The following RAPGEF4 variants were observed in gnomAD, a reference collection of about 807,000 sequenced individuals.
RAPGEF4 encodes Rap guanine nucleotide exchange factor 4, also known as RAP guanine-nucleotide-exchange factor (GEF) 4.
Under a neutral mutation model 147.9 loss-of-function variants are expected in RAPGEF4, and 66 were observed. The observed-to-expected ratio is 0.45, with a 90% CI of 0.37 to 0.55. The LOEUF (loss-of-function observed/expected upper bound fraction) is 0.55. RAPGEF4 is among the 20% of genes least tolerant of loss of function. The probability of loss-of-function intolerance (pLI) is 0.00; values close to 1 mark genes in which losing one functional copy is unlikely to be tolerated. For synonymous variants in RAPGEF4, 419 were observed against 442.7 expected, an observed-to-expected ratio of 0.95 and a Z score of 0.67; for missense variants, 1,071 against 1,257.3, an observed-to-expected ratio of 0.85 and a Z score of 2.24.
chr2:172,796,115 C>G (rs1279440999), intron 2 of RAPGEF4, among the ~76,000 whole-genome samples: 2 of 152,040 alleles, frequency 1.3e-5, no homozygotes, highest in Non-Finnish European at 2.9e-5. Flanking sequence ...CATGATTGCC[C>G]TAGTGGAGCT....
At chr2:172,766,424 C>T (rs993242298) in intron 1 of RAPGEF4, among the ~76,000 whole-genome samples, 6 of 151,984 alleles carry the variant, frequency 3.9e-5, no homozygotes, top group East Asian at 1.9e-4. Flanking sequence ...TGCTGGCACG[C>T]GCCCATAGTC....
intron 1 of RAPGEF4, among the ~76,000 whole-genome samples, chr2:172,772,217 A>G (rs1683691489): frequency 6.6e-6 from 1 of 152,206 alleles, no homozygotes; most frequent in African/African-American, 2.4e-5. Context: ...CCAGCCTGGC[A>G]ACAAAGTAAG....
chr2:172,736,286 G>A (rs1403479303), intron 1 of RAPGEF4: 4 of 318,826 alleles, frequency 1.3e-5, no homozygotes, highest in African/African-American at 6.6e-5. Flanking sequence ...AGCGCAGTAA[G>A]GGGAGAGAGC....
intron 6 of RAPGEF4, among the ~76,000 whole-genome samples, chr2:172,952,880 G>C (rs923360165): frequency 3.9e-5 from 6 of 152,174 alleles, no homozygotes. Context: ...TTGTAAGTTA[G>C]GGTTTGACAG....
At chr2:172,884,933 A>G (rs1422062764) in intron 4 of RAPGEF4, among the ~76,000 whole-genome samples, 1 of 152,248 alleles carries the variant, frequency 6.6e-6, no homozygotes, top group Admixed American at 6.5e-5. Flanking sequence ...ACTTGTAGCA[A>G]ACGCTATTGT....
Position 172,984,636 on chromosome 2 carries a change from C to T in RAPGEF4, c.1090-797C>T, listed in dbSNP as rs79812649. Among the ~76,000 whole-genome samples, 454 of 152,302 alleles carry T rather than the reference C, an allele frequency of 3.0e-3. 7 individuals carry two copies. Among genetic ancestry groups the T allele is most frequent in the East Asian group, 0.026 (134 of 5,188 alleles). On this transcript the variant is annotated intron_variant, in intron 11 of 30. Coordinates refer to ENST00000397081, the MANE Select transcript of RAPGEF4 (RefSeq NM_007023.4). ...CTCTCCACAGGGCATAGATGTAGTG[C>T]CTGGGAGCCTCACCTGGGAAGCCCT...
chr2:173,025,776 G>A (rs1696604253), intron 23 of RAPGEF4, among the ~76,000 whole-genome samples: 1 of 152,190 alleles, frequency 6.6e-6, no homozygotes, highest in African/African-American at 2.4e-5. Context: ...TAATGTGTGT[G>A]TTGCCTATTT....
chr2:172,996,689 C>G, intron 16 of RAPGEF4, 135 bp downstream of exon 16: 1 of 615,156 alleles, frequency 1.6e-6, no homozygotes, highest in South Asian at 2.0e-5. Flanking sequence ...TGAAAAGCAT[C>G]TCTGTGTGAC....
At position 172,767,780 on chromosome 2, in the gene RAPGEF4, T is replaced by G. The variant is rs28706049; in HGVS notation, c.66-27245T>G. Among the ~76,000 whole-genome samples, 1,431 of 152,262 alleles carry G rather than the reference T, an allele frequency of 9.4e-3. 27 individuals carry two copies. The highest frequency in any genetic ancestry group is 0.033 in the African/African-American group (1,353 of 41,544). ...CCCTGCCAGCATCTTCTCTTGAGTT[T>G]ATTGTGGAAAGCTTAAAAGATGACA... On this transcript the variant is annotated intron_variant, in intron 1 of 30. Transcript: ENST00000397081.
chr2:173,004,261 T>C (rs907706529), intron 17 of RAPGEF4, among the ~76,000 whole-genome samples: 2 of 152,216 alleles, frequency 1.3e-5, no homozygotes, highest in African/African-American at 4.8e-5. Flanking sequence ...CTCTATTCAT[T>C]AGACACAGTT....
At chr2:172,738,283 C>G (rs554814338) in intron 1 of RAPGEF4, among the ~76,000 whole-genome samples, 1 of 152,228 alleles carries the variant, frequency 6.6e-6, no homozygotes, top group African/African-American at 2.4e-5. Flanking sequence ...CTATCTTGAT[C>G]TTCTTTTCCA....
intron 1 of RAPGEF4, among the ~76,000 whole-genome samples, chr2:172,794,262 G>A (rs575136401): frequency 1.4e-5 from 2 of 147,230 alleles, no homozygotes; most frequent in South Asian, 2.1e-4. Flanking sequence ...GGCTGTATTC[G>A]CTTGAACCCA....
chr2:172,964,942 G>A (rs1433734816), intron 8 of RAPGEF4, among the ~76,000 whole-genome samples: 1 of 152,178 alleles, frequency 6.6e-6, no homozygotes, highest in African/African-American at 2.4e-5. Context: ...CAGAAAGCAT[G>A]TGGAGCTCTT....
chr2:172,841,788 A>G (rs1691624211), intron 4 of RAPGEF4, among the ~76,000 whole-genome samples: 1 of 115,458 alleles, frequency 8.7e-6, no homozygotes, highest in African/African-American at 3.3e-5. Flanking sequence ...ATGTTGGCTG[A>G]ATAACACACA....
chr2:173,033,775 C>T, intron 26 of RAPGEF4, 139 bp from the exon 27 acceptor site: 2 of 763,002 alleles, frequency 2.6e-6, no homozygotes, highest in Non-Finnish European at 4.3e-6. Flanking sequence ...AATGGCAAGA[C>T]AGATTACAGT....
chr2:172,979,142 C>T (rs1013396144), intron 10 of RAPGEF4, among the ~76,000 whole-genome samples: 4 of 152,184 alleles, frequency 2.6e-5, no homozygotes, highest in Non-Finnish European at 5.9e-5. Context: ...CACATCTCCT[C>T]CCTCTATTAA....
chr2:172,793,797 A>G (rs1158440451), intron 1 of RAPGEF4, among the ~76,000 whole-genome samples: 7 of 152,176 alleles, frequency 4.6e-5, no homozygotes, highest in African/African-American at 7.2e-5. Flanking sequence ...GGTTGCATCT[A>G]TTCCAGAGAT....
At chr2:172,958,155 T>C (rs1307572387) in intron 6 of RAPGEF4, among the ~76,000 whole-genome samples, 4 of 152,182 alleles carry the variant, frequency 2.6e-5, no homozygotes, top group African/African-American at 7.2e-5. Flanking sequence ...AGGTTTTTCA[T>C]TGGAAAGAAA....
chr2:172,874,404 T>C (rs4541226), intron 4 of RAPGEF4, among the ~76,000 whole-genome samples: 147,256 of 152,066 alleles, frequency 0.97, 71,465 homozygotes, highest in East Asian at 1. Context: ...CCTGCTCCCC[T>C]CACCCCACAA....
Sources: gnomAD v4.1 joint callset for allele counts (sites outside exome capture counted in the v4.1 genomes callset) on GRCh38, gnomAD v4.1.1 for gene constraint, MANE v1.5 for transcripts, NCBI Gene and HGNC (gene_info 2026-07-23, HGNC 2026-07-21) for gene names.